ZFR: variants seen among roughly 807,000 people sequenced by gnomAD.
The protein encoded by ZFR is zinc finger RNA-binding protein.
A neutral mutation model predicts 130.7 loss-of-function variants in ZFR; 19 were observed. The observed-to-expected ratio is 0.15, with a 90% confidence interval of 0.10 to 0.21. ZFR has a LOEUF of 0.21. Ranked by LOEUF, ZFR falls within the 10% of genes least tolerant of loss-of-function variation. ZFR has a pLI of 1.00. For missense variants in ZFR, 872 were observed against 1,321.5 expected (o/e 0.66, Z 5.27); for synonymous variants, 466 against 456.9 (o/e 1.02, Z -0.25).
intron 19 of ZFR, among the ~76,000 whole-genome samples, chr5:32,359,043 T>G (rs1231252222): frequency 6.6e-6 from 1 of 152,050 alleles, no homozygotes; most frequent in Non-Finnish European, 1.5e-5. Context: ...AATAATTAGC[T>G]GGGCATGGTG....
chr5:32,397,614 G>A (rs922129864), intron 9 of ZFR, among the ~76,000 whole-genome samples: 5 of 151,824 alleles, frequency 3.3e-5, no homozygotes, highest in African/African-American at 9.7e-5. Context: ...ACACCACCAC[G>A]ACCGGCTAAT....
chr5:32,362,275 G>A (rs1752450586), intron 19 of ZFR, among the ~76,000 whole-genome samples: 1 of 152,052 alleles, frequency 6.6e-6, no homozygotes, highest in Admixed American at 6.6e-5. Context: ...CCTATAGGAA[G>A]GAATTTTAAT....
chr5:32,395,035 C>G, intron 11 of ZFR, 124 bp downstream of exon 11: 1 of 1,334,956 alleles, frequency 7.5e-7, no homozygotes, highest in Non-Finnish European at 9.8e-7. Context: ...GGATCTTCCT[C>G]AAGAGTGAAA....
At chr5:32,384,147 TAA>T (rs1252200573) in intron 15 of ZFR, among the ~76,000 whole-genome samples, 2 of 152,174 alleles carry the variant, frequency 1.3e-5, no homozygotes, top group African/African-American at 4.8e-5. Flanking sequence ...TATTCTGAAA[TAA>T]AGTTAAATGG....
chr5:32,356,368 T>C (rs1238565826), intron 19 of ZFR, among the ~76,000 whole-genome samples: 2 of 152,178 alleles, frequency 1.3e-5, no homozygotes, highest in East Asian at 1.9e-4. Context: ...CAAACTTATT[T>C]ACCTAATTTT....
chr5:32,383,785 C>T (rs180675525), intron 15 of ZFR: 7 of 456,696 alleles, frequency 1.5e-5, no homozygotes, highest in African/African-American at 1.2e-4. Context: ...AAGAAAGAAG[C>T]AATCTTCATA....
chr5:32,405,610 T>C (rs1753563700), intron 6 of ZFR, among the ~76,000 whole-genome samples: 1 of 152,236 alleles, frequency 6.6e-6, no homozygotes. Flanking sequence ...AGTCTGGCAC[T>C]CATGACACTA....
intron 15 of ZFR, among the ~76,000 whole-genome samples, chr5:32,381,321 G>A (rs1041071243): frequency 6.6e-6 from 1 of 152,166 alleles, no homozygotes; most frequent in Non-Finnish European, 1.5e-5. Context: ...TCTGTAAAAT[G>A]TGTATATTAA....
At chr5:32,439,589 C>T (rs1169085741) in intron 2 of ZFR, among the ~76,000 whole-genome samples, 2 of 152,060 alleles carry the variant, frequency 1.3e-5, no homozygotes, top group Non-Finnish European at 2.9e-5. Flanking sequence ...TCAAAATCCA[C>T]TTACTGCTAT....
chr5:32,367,978 C>T (rs1017359683), intron 17 of ZFR, among the ~76,000 whole-genome samples: 2 of 149,554 alleles, frequency 1.3e-5, no homozygotes, highest in Non-Finnish European at 3.0e-5. Context: ...CAAAATAATG[C>T]TTTTTTTTTT....
At chr5:32,438,280 T>TTTTTTTTTTTGTG (rs1754387350) in intron 2 of ZFR, among the ~76,000 whole-genome samples, 1 of 130,292 alleles carries the variant, frequency 7.7e-6, no homozygotes, top group African/African-American at 2.8e-5. Flanking sequence ...TTTTTTTTTT[T>TTTTTTTTTTTGTG]GAGACGGAGT....
intron 10 of ZFR, among the ~76,000 whole-genome samples, chr5:32,396,848 T>C (rs1753325565): frequency 6.6e-6 from 1 of 152,224 alleles, no homozygotes; most frequent in Non-Finnish European, 1.5e-5. Context: ...TTTTCCAACA[T>C]ATCAACTCAT....
rs1267320687 is a variant in ZFR, at chr5:32,444,335, C to T, written c.38-7G>A. 4.6e-6 allele frequency: 7 copies of T among 1,535,776 alleles called. No homozygotes were observed. Among genetic ancestry groups the T allele is most frequent in the South Asian group, 1.2e-5 (1 of 81,982 alleles). On this transcript the variant is annotated splice_polypyrimidine_tract_variant and splice_region_variant and intron_variant, in intron 1 of 19. Transcript: ENST00000265069. ...TCCCCCAGCCGGCTGGGCACTGCGG[C>T]GGGCACGAAGAGTCGGGTCCCATGG...
intron 14 of ZFR, 35 bp downstream of exon 14, chr5:32,387,514 C>T (rs1181620056): frequency 1.9e-6 from 3 of 1,603,086 alleles, no homozygotes; most frequent in Non-Finnish European, 2.6e-6. Context: ...CTGAACCAGA[C>T]AAGGGGTAAA....
rs1037740435 is a variant in ZFR, at chr5:32,406,602, AG to A, written c.1032+171del. The A allele has an allele frequency of 5.9e-6, 5 of 846,862 alleles. No homozygotes were observed. In the African/African-American group the frequency reaches 8.8e-5, roughly 15 times the overall value. 52.5% of individuals were successfully genotyped at this position (846,862 alleles called of 1,614,324 possible). A position where few individuals can be genotyped will look rare whatever the true frequency, so the allele number is the denominator to read the frequency against. The stretch of plus-strand genomic sequence containing the variant: ...CATTTACAGTCACAATCATCTTTAC[AG>A]TTTTTTTTTCCCTGAAAATTCTCAT... On this transcript the variant is annotated intron_variant, in intron 6 of 19. Transcript: ENST00000265069.
Position 32,390,437 on chromosome 5 carries a change from T to A in ZFR, c.1980A>T (p.Arg660Ser), listed in dbSNP as rs987548074. 6.2e-7 allele frequency: 1 copy of A among 1,611,604 alleles called. No individual in the cohort carries two copies. Among genetic ancestry groups the A allele is most frequent in the Non-Finnish European group, 8.5e-7 (1 of 1,178,116 alleles). ...TCCAGTACATGTCCTCTTCATAACG[T>A]CTGAAACATAAAGAATGACATTATA... is the stretch of plus-strand genomic sequence containing the variant. The part of the protein sequence containing the change: ...EEEERWRMEM[R>S]RYEEDMYWRR... Residue 660 changes from arginine to serine, a missense_variant and splice_region_variant, in exon 12 of 20, where the codon AGA becomes AGT. By Grantham distance (110) the Arg-to-Ser change is moderately radical. This residue lies in a region of ZFR where 225 missense variants were observed against 282.4 expected (regional missense o/e 0.80). Transcript: ENST00000265069.
At chr5:32,436,140 CTTTTTTTTTTTTTTT>C (rs370998112) in intron 2 of ZFR, among the ~76,000 whole-genome samples, 3 of 91,796 alleles carry the variant, frequency 3.3e-5, no homozygotes, top group African/African-American at 4.5e-5. Context: ...CAGTTGTATT[CTTTTTTTTTTTTTTT>C]TTTTTTTTTT....
At chr5:32,427,920 G>T (rs563453675) in intron 2 of ZFR, among the ~76,000 whole-genome samples, 2 of 151,916 alleles carry the variant, frequency 1.3e-5, no homozygotes. Flanking sequence ...ACACGAAAAG[G>T]AAAAAAGCTG....
chr5:32,425,873 C>T (rs1408128117), intron 2 of ZFR, among the ~76,000 whole-genome samples: 1 of 152,190 alleles, frequency 6.6e-6, no homozygotes, highest in Non-Finnish European at 1.5e-5. Flanking sequence ...AACAAAAACT[C>T]TGGGGTTCTG....
Sources: gnomAD v4.1 joint callset for allele counts (sites outside exome capture counted in the v4.1 genomes callset) on GRCh38, gnomAD v4.1.1 for gene constraint, gnomAD v4.1.1 regional missense constraint, MANE v1.5 for transcripts, NCBI Gene and HGNC (gene_info 2026-07-23, HGNC 2026-07-21) for gene names.